NDST3: variants seen among roughly 807,000 people sequenced by gnomAD.
NDST3 encodes N-deacetylase and N-sulfotransferase 3.
In NDST3, 58 loss-of-function variants were observed where a neutral mutation model predicts 96.1. The observed-to-expected ratio is 0.60, with a 90% CI of 0.49 to 0.75. The LOEUF (loss-of-function observed/expected upper bound fraction) is 0.75. NDST3 is among the 30% of genes least tolerant of loss of function. The pLI is 0.00. For missense variants in NDST3, 788 were observed against 1,034.2 expected (o/e 0.76, Z 3.27); for synonymous variants, 333 against 359.7 (o/e 0.93, Z 0.84).
At chr4:118,237,785 G>A (rs1740738420) in intron 10 of NDST3, among the ~76,000 whole-genome samples, 1 of 152,130 alleles carries the variant, frequency 6.6e-6, no homozygotes, top group Non-Finnish European at 1.5e-5. Context: ...TTGTACTAAA[G>A]AAACAGCTTA....
chr4:118,069,113 T>C (rs574277170), intron 2 of NDST3, among the ~76,000 whole-genome samples: 8 of 148,348 alleles, frequency 5.4e-5, no homozygotes, highest in African/African-American at 1.7e-4. Context: ...GGTACATTGC[T>C]TCTGTGATCT....
chr4:118,105,250 T>C (rs1435580887), intron 3 of NDST3, 145 bp downstream of exon 3: 4 of 579,776 alleles, frequency 6.9e-6, no homozygotes, highest in Non-Finnish European at 1.2e-5. Context: ...CATGCTATTT[T>C]TTAATTTTTG....
intron 6 of NDST3, among the ~76,000 whole-genome samples, chr4:118,173,076 T>A (rs1049740055): frequency 5.9e-5 from 9 of 152,174 alleles, no homozygotes; most frequent in Admixed American, 5.9e-4. Context: ...GGCAATGTGC[T>A]ACATGCTTTC....
intron 13 of NDST3, among the ~76,000 whole-genome samples, chr4:118,254,059 G>T (rs1361969031): frequency 2.0e-5 from 3 of 152,054 alleles, no homozygotes; most frequent in Non-Finnish European, 4.4e-5. Flanking sequence ...TGGCCAACAT[G>T]ATAAAACCCC....
At chr4:118,148,036 C>T (rs1734078340) in intron 6 of NDST3, among the ~76,000 whole-genome samples, 1 of 152,190 alleles carries the variant, frequency 6.6e-6, no homozygotes, top group African/African-American at 2.4e-5. Context: ...CAGTGGCTCA[C>T]GCCTGTAATG....
chr4:118,229,026 C>T (rs1402217650), intron 8 of NDST3, among the ~76,000 whole-genome samples: 2 of 152,142 alleles, frequency 1.3e-5, no homozygotes, highest in East Asian at 1.9e-4. Flanking sequence ...CTGGGCCAGG[C>T]GTGGTGGCTC....
At position 118,066,218 on chromosome 4, in the gene NDST3, AATATATTATATATATT is replaced by A. The variant is rs1470166171; in HGVS notation, c.981+11366_981+11381del. On this transcript the variant is annotated intron_variant, in intron 2 of 13. Coordinates refer to ENST00000296499, the MANE Select transcript of NDST3 (RefSeq NM_004784.3). Reference sequence around the variant, plus strand: ...ATATTATATTTTATATATTATACATAATATATTATATATATTATATATTATATATATTATATATTAT... The same window carrying A: ...ATATTATATTTTATATATTATACATAATATATTATATATATTATATATTAT... 6.9e-3 allele frequency among the ~76,000 whole-genome samples: 435 copies of A among 62,622 alleles called. 2 individuals carry two copies. Among genetic ancestry groups the A allele is most frequent in the Non-Finnish European group, 9.9e-3 (367 of 37,034 alleles). The allele number at this position is 62,622 out of a possible 152,430, so 41.1% of individuals were successfully genotyped here.
intron 4 of NDST3, among the ~76,000 whole-genome samples, chr4:118,130,503 T>A (rs1369920245): frequency 1.3e-5 from 2 of 152,170 alleles, no homozygotes; most frequent in Non-Finnish European, 2.9e-5. Context: ...TCCTTATGTC[T>A]TGTTGTACTG....
At chr4:118,100,910 G>T (rs945331294) in intron 2 of NDST3, among the ~76,000 whole-genome samples, 2 of 152,036 alleles carry the variant, frequency 1.3e-5, no homozygotes, top group Non-Finnish European at 2.9e-5. Context: ...TAGACACATA[G>T]GCATAGGAGC....
intron 8 of NDST3, among the ~76,000 whole-genome samples, chr4:118,227,606 A>AATTTTTTTT (rs1739976247): frequency 8.0e-6 from 1 of 124,270 alleles, no homozygotes; most frequent in Non-Finnish European, 1.7e-5. Flanking sequence ...ATCACCATAA[A>AATTTTTTTT]CTTTTTTTTT....
At chr4:118,100,281 C>T (rs773830875) in intron 2 of NDST3, among the ~76,000 whole-genome samples, 5 of 151,868 alleles carry the variant, frequency 3.3e-5, no homozygotes, top group African/African-American at 4.8e-5. Flanking sequence ...CAGACATAGG[C>T]GCTCCTGGCT....
At chr4:118,037,411 T>A (rs1042841226) in intron 1 of NDST3, among the ~76,000 whole-genome samples, 6 of 152,212 alleles carry the variant, frequency 3.9e-5, no homozygotes, top group Non-Finnish European at 8.8e-5. Flanking sequence ...ATGAGGAAAT[T>A]GAGGCACTGA....
chr4:118,237,975 G>A (rs2126003936), intron 10 of NDST3, among the ~76,000 whole-genome samples: 1 of 151,792 alleles, frequency 6.6e-6, no homozygotes, highest in African/African-American at 2.4e-5. Context: ...TACAAATAAA[G>A]AAAATTAGCC....
rs533681721 is a variant in NDST3 at position 118,137,441 on chromosome 4, A to T, written c.1225-613A>T. 2.0e-5 allele frequency among the ~76,000 whole-genome samples: 3 copies of T among 151,944 alleles called. No homozygotes were observed. In the South Asian group the frequency reaches 6.2e-4, roughly 32 times the overall value. On this transcript the variant is annotated intron_variant, in intron 4 of 13. Coordinates refer to ENST00000296499, the MANE Select transcript of NDST3 (RefSeq NM_004784.3). The stretch of plus-strand genomic sequence containing the variant: ...ATATTTGGCTGTTTCAGTACCTTCA[A>T]CTTTCACTATAAGGGCTTCTACTTC...
chr4:118,179,993 C>G (rs1736505333), intron 6 of NDST3, among the ~76,000 whole-genome samples: 1 of 152,048 alleles, frequency 6.6e-6, no homozygotes, highest in African/African-American at 2.4e-5. Flanking sequence ...TATTTCCTAC[C>G]TTACGCCTCC....
At chr4:118,035,293 A>C (rs1724083343) in intron 1 of NDST3, among the ~76,000 whole-genome samples, 1 of 152,174 alleles carries the variant, frequency 6.6e-6, no homozygotes, top group Non-Finnish European at 1.5e-5. Flanking sequence ...ATATTGAAAT[A>C]TAGCAACATG....
intron 12 of NDST3, among the ~76,000 whole-genome samples, chr4:118,246,121 T>C (rs1741295400): frequency 6.6e-6 from 1 of 152,246 alleles, no homozygotes; most frequent in African/African-American, 2.4e-5. Flanking sequence ...ATAAAATCCA[T>C]TTCCAGGTGC....
chr4:118,090,384 T>A (rs1408697804), intron 2 of NDST3, among the ~76,000 whole-genome samples: 1 of 152,014 alleles, frequency 6.6e-6, no homozygotes, highest in Non-Finnish European at 1.5e-5. Flanking sequence ...CATTCTAAAC[T>A]GGAATGGATT....
intron 6 of NDST3, among the ~76,000 whole-genome samples, chr4:118,147,900 T>C (rs148571969): frequency 6.6e-6 from 1 of 152,198 alleles, no homozygotes; most frequent in Admixed American, 6.5e-5. Flanking sequence ...TATTGAGTCA[T>C]TAACAACTAT....
Sources: gnomAD v4.1 joint callset for allele counts (sites outside exome capture counted in the v4.1 genomes callset) on GRCh38, gnomAD v4.1.1 for gene constraint, MANE v1.5 for transcripts, NCBI Gene and HGNC (gene_info 2026-07-23, HGNC 2026-07-21) for gene names.